NCKAP5: variants seen among roughly 807,000 people sequenced by gnomAD.
The protein encoded by NCKAP5 is NCK associated protein 5.
NCKAP5 carries 92 observed loss-of-function variants against 167.0 expected under a neutral mutation model. The ratio of observed to expected loss-of-function variants is 0.55; its 90% confidence interval spans 0.47 to 0.66. The LOEUF is 0.66. Ranked by LOEUF, NCKAP5 falls within the 30% of genes least tolerant of loss-of-function variation. NCKAP5 has a pLI of 0.00. For missense variants in NCKAP5, 2,378 were observed against 2,315.0 expected (o/e 1.03, Z -0.56); for synonymous variants, 891 against 877.4 (o/e 1.02, Z -0.27).
At chr2:133,325,886 C>A (rs1035028848) in intron 3 of NCKAP5, among the ~76,000 whole-genome samples, 23 of 152,164 alleles carry the variant, frequency 1.5e-4, no homozygotes, top group African/African-American at 4.8e-4. Flanking sequence ...TTGGATATGA[C>A]CCCCCTCTTA....
rs919821180 is a variant in NCKAP5, at chr2:132,837,315, T to G, written c.807+23177A>C. Among the ~76,000 whole-genome samples, 4 of 152,250 alleles carry G rather than the reference T, an allele frequency of 2.6e-5. No homozygotes were observed. In the South Asian group the frequency reaches 8.3e-4, roughly 32 times the overall value. On this transcript the variant is annotated intron_variant, in intron 11 of 19. Transcript: ENST00000409261. Reference sequence around the variant, plus strand: ...GAAATTGTCTTACTTATTTCGCAATTATCTTCCCTCTATTTTTTTCCTATT... The same window carrying G: ...GAAATTGTCTTACTTATTTCGCAATGATCTTCCCTCTATTTTTTTCCTATT...
At chr2:133,516,793 G>T (rs1439881288) in intron 3 of NCKAP5, among the ~76,000 whole-genome samples, 1 of 152,224 alleles carries the variant, frequency 6.6e-6, no homozygotes, top group African/African-American at 2.4e-5. Context: ...TGCTTGATTT[G>T]ATTCCTTGCT....
intron 11 of NCKAP5, among the ~76,000 whole-genome samples, chr2:132,803,708 C>T (rs189222321): frequency 3.3e-5 from 5 of 152,300 alleles, no homozygotes; most frequent in East Asian, 3.9e-4. Flanking sequence ...AAACAGCAGA[C>T]CTTGCCCTAA....
At chr2:133,383,653 A>G (rs1394780955) in intron 3 of NCKAP5, among the ~76,000 whole-genome samples, 10 of 152,218 alleles carry the variant, frequency 6.6e-5, no homozygotes, top group Non-Finnish European at 1.5e-4. Flanking sequence ...GTCTTCCACA[A>G]TGGTTGAACT....
intron 1 of NCKAP5, among the ~76,000 whole-genome samples, chr2:133,562,958 G>A (rs544533411): frequency 8.5e-5 from 13 of 152,208 alleles, no homozygotes; most frequent in African/African-American, 3.1e-4. Flanking sequence ...AATTCCAAAG[G>A]CATTAAACCC....
chr2:132,797,458 AC>A lies in NCKAP5; in HGVS notation c.808-730del, dbSNP rs1444220683. ...AAATTTGATCTGTTTAATTGCAAATACAATAAAAGTCGTGATTTATGCTTAA... is the reference window on the plus strand; with the variant it reads ...AAATTTGATCTGTTTAATTGCAAATAAATAAAAGTCGTGATTTATGCTTAA... On this transcript the variant is annotated intron_variant, in intron 11 of 19. Coordinates refer to ENST00000409261, the MANE Select transcript of NCKAP5 (RefSeq NM_207363.3). Among the ~76,000 whole-genome samples the A allele has an allele frequency of 2.6e-5, 4 of 152,230 alleles. No homozygotes were observed. In the East Asian group the frequency reaches 7.7e-4, roughly 29 times the overall value.
intron 8 of NCKAP5, among the ~76,000 whole-genome samples, chr2:132,925,226 A>G (rs1265251356): frequency 1.3e-5 from 2 of 152,076 alleles, no homozygotes; most frequent in Non-Finnish European, 2.9e-5. Context: ...GATCCCTCAC[A>G]TGTGAAGGTC....
At chr2:133,586,506 G>A in the NCKAP5 span, among the ~76,000 whole-genome samples, 3 of 152,088 alleles carry the variant, frequency 2.0e-5, no homozygotes, top group South Asian at 2.1e-4. Flanking sequence ...TCAACTTCAG[G>A]AAAAGAGGTA....
In NCKAP5 at chr2:132,860,907, G is replaced by A. The variant is rs544117476; in HGVS notation, c.688-296C>T. ...CGATATGAAGTCAATTTAAGTTTCC[G>A]CCTATATATTTTGCCTTTTCACTGT... is the stretch of plus-strand genomic sequence containing the variant. On this transcript the variant is annotated intron_variant, in intron 10 of 19. Transcript: ENST00000409261. Among the ~76,000 whole-genome samples, 108 of 152,122 alleles carry A rather than the reference G, an allele frequency of 7.1e-4. 1 individual carries two copies. The South Asian group carries it at 0.013, about 19-fold the overall frequency.
rs374891958 is a variant in NCKAP5 at position 133,480,077 on chromosome 2, A to G, written c.69+37381T>C. ...CTCCTGAGTAGCTGGGATTACAGGC[A>G]TGTACCACCATGCCCGGCTAATTTT... is the stretch of plus-strand genomic sequence containing the variant. On this transcript the variant is annotated intron_variant, in intron 3 of 19. Coordinates refer to ENST00000409261, the MANE Select transcript of NCKAP5 (RefSeq NM_207363.3). 3.9e-3 allele frequency among the ~76,000 whole-genome samples: 593 copies of G among 151,880 alleles called. 5 individuals are homozygous for G. Among genetic ancestry groups the G allele is most frequent in the African/African-American group, 0.013 (557 of 41,394 alleles).
intron 3 of NCKAP5, among the ~76,000 whole-genome samples, chr2:133,465,933 C>T (rs201973423): frequency 0.25 from 35,753 of 144,972 alleles, 4,331 homozygotes; most frequent in East Asian, 0.37. Context: ...GAGTAGGTTG[C>T]GAAAATTTTC....
intron 6 of NCKAP5, among the ~76,000 whole-genome samples, chr2:133,037,716 C>T (rs2079083988): frequency 6.6e-6 from 1 of 152,032 alleles, no homozygotes; most frequent in African/African-American, 2.4e-5. Context: ...GGGAAAATCT[C>T]CAGGACATTG....
At chr2:132,936,494 T>C (rs895651491) in intron 8 of NCKAP5, among the ~76,000 whole-genome samples, 26 of 152,226 alleles carry the variant, frequency 1.7e-4, no homozygotes, top group African/African-American at 3.6e-4. Context: ...CCTCACTCCA[T>C]GTGGCTGCAC....
chr2:132,979,503 T>A (rs1485446786), intron 7 of NCKAP5, among the ~76,000 whole-genome samples: 5 of 152,130 alleles, frequency 3.3e-5, no homozygotes, highest in Non-Finnish European at 5.9e-5. Flanking sequence ...TACCAACCCA[T>A]GCTTCAAACA....
chr2:133,635,773 T>A, the NCKAP5 span, among the ~76,000 whole-genome samples: 2 of 152,136 alleles, frequency 1.3e-5, no homozygotes, highest in Admixed American at 1.3e-4. Context: ...AAACTTATGA[T>A]AGAGAGATAC....
rs566719697 is a variant in NCKAP5, at chr2:132,768,637, C to CTT, written c.5128+5177_5128+5178dup. ...ATAGAGCAGGTTTAGTTAATAATAT[C>CTT]TTTTTTTTTTTTTTTTTTTTGAGAC... On this transcript the variant is annotated intron_variant, in intron 16 of 19. Transcript: ENST00000409261. Among the ~76,000 whole-genome samples, 492 of 124,574 alleles carry CTT rather than the reference C, an allele frequency of 3.9e-3. 10 individuals carry two copies. The highest frequency in any genetic ancestry group is 0.014 in the South Asian group (53 of 3,734). 81.7% of individuals were successfully genotyped at this position (124,574 alleles called of 152,430 possible).
intron 16 of NCKAP5, among the ~76,000 whole-genome samples, chr2:132,753,294 A>G (rs547030659): frequency 6.6e-6 from 1 of 152,330 alleles, no homozygotes; most frequent in East Asian, 1.9e-4. Context: ...TATTTAAGAT[A>G]AAGTCAAGAA....
At chr2:132,754,788 A>G (rs1680399045) in intron 16 of NCKAP5, among the ~76,000 whole-genome samples, 1 of 152,246 alleles carries the variant, frequency 6.6e-6, no homozygotes, top group Non-Finnish European at 1.5e-5. Flanking sequence ...TGTCCAAAGA[A>G]TGTTTTTAAA....
intron 6 of NCKAP5, among the ~76,000 whole-genome samples, chr2:133,057,254 C>A (rs2079837765): frequency 6.6e-6 from 1 of 152,066 alleles, no homozygotes; most frequent in Non-Finnish European, 1.5e-5. Context: ...AATTAATAAC[C>A]CTACAATAGC....
Sources: gnomAD v4.1 joint callset for allele counts (sites outside exome capture counted in the v4.1 genomes callset) on GRCh38, gnomAD v4.1.1 for gene constraint, MANE v1.5 for transcripts, NCBI Gene and HGNC (gene_info 2026-07-23, HGNC 2026-07-21) for gene names.